Variants in ITGB2 observed in about 807,000 individuals in gnomAD.
ITGB2 encodes the protein integrin subunit beta 2.
ITGB2 carries 56 observed loss-of-function variants against 86.8 expected under a neutral mutation model. The observed-to-expected ratio is 0.65, with a 90% CI of 0.52 to 0.81. The LOEUF (loss-of-function observed/expected upper bound fraction) is 0.81, where lower values mean the gene tolerates loss of function less well. Among genes scored for constraint, ITGB2 ranks in the 30% least tolerant of loss-of-function variants. ITGB2 has a pLI of 0.00. For synonymous variants in ITGB2, 457 were observed against 450.4 expected, an observed-to-expected ratio of 1.01 and a Z score of -0.19; for missense variants, 948 against 1,061.2, an observed-to-expected ratio of 0.89 and a Z score of 1.48.
At chr21:44,916,587 G>C (rs78754053) in intron 1 of ITGB2, among the ~76,000 whole-genome samples, 37,840 of 152,046 alleles carry the variant, frequency 0.25, 5,248 homozygotes, top group South Asian at 0.36. Context: ...CTAAGGGGAG[G>C]CCGGGCATGG....
In ITGB2 at chr21:44,886,864, C is replaced by A. The variant is rs1338483196; in HGVS notation, c.2119G>T (p.Gly707Cys). 1.9e-6 allele frequency: 3 copies of A among 1,613,674 alleles called. No homozygotes were observed. In the Admixed American group the frequency reaches 5.0e-5, roughly 27 times the overall value. Reference sequence around the variant, plus strand: ...ATCAGCACGATGCCTGCCACGGTGCCCCCGACGATGGCGGCGATGTTGGGG... The same window carrying A: ...ATCAGCACGATGCCTGCCACGGTGCACCCGACGATGGCGGCGATGTTGGGG... ...AGPNIAAIVG[G>C]TVAGIVLIGI... The change falls in exon 15 of 16, where the codon GGC becomes TGC. Residue 707 changes from glycine to cysteine, a missense_variant. By Grantham distance (159) the Gly-to-Cys change is radical (BLOSUM62 -3). Transcript: ENST00000652462.
rs1257146435 is a variant in ITGB2 at position 44,910,276 on chromosome 21, G to C, written c.147+8C>G. The C allele has an allele frequency of 6.2e-7, 1 of 1,613,576 alleles. No homozygotes were observed. Among genetic ancestry groups the C allele is most frequent in the South Asian group, 1.1e-5 (1 of 90,992 alleles). On this transcript the variant is annotated splice_region_variant and intron_variant, in intron 3 of 15. Coordinates refer to ENST00000652462, the MANE Select transcript of ITGB2 (RefSeq NM_000211.5). ...GGGCAGGTGGGGAGGGGTCCAGGAG[G>C]CACTTACCAGCTTCTGGCACCAGGT... is the stretch of plus-strand genomic sequence containing the variant.
chr21:44,889,327 A>G lies in ITGB2; in HGVS notation c.1826T>C (p.Leu609Pro), dbSNP rs748429721. The change falls in exon 13 of 16, where the codon CTG becomes CCG. Residue 609 changes from leucine to proline, a missense_variant. Physicochemically the swap from Leu to Pro is moderately conservative, Grantham distance 98. Transcript: ENST00000652462. ...GCCGGGGCACTCCTGGCACAGAGGCAGCTGGTAGCCTGAATGGCACTCGCA... is the reference window on the plus strand; with the variant it reads ...GCCGGGGCACTCCTGGCACAGAGGCGGCTGGTAGCCTGAATGGCACTCGCA... ...NVCECHSGYQ[L>P]PLCQECPGCP... 2 of 1,612,876 alleles carry G rather than the reference A, an allele frequency of 1.2e-6. No individual in the cohort carries two copies. Among genetic ancestry groups the G allele is most frequent in the Non-Finnish European group, 8.5e-7 (1 of 1,179,854 alleles).
rs112661150 is a variant in ITGB2, at chr21:44,900,507, TG to T, written c.742-33del. The T allele has an allele frequency of 2.5e-6, 4 of 1,611,842 alleles. No homozygotes were observed. In the African/African-American group the frequency reaches 4.0e-5, roughly 16 times the overall value. Reference sequence around the variant, plus strand: ...AGAAGGCGTGGGGGGCAGGGTTACCTGCCTCAGTTTCCCAGACCCGGCCCTC... The same window carrying T: ...AGAAGGCGTGGGGGGCAGGGTTACCTCCTCAGTTTCCCAGACCCGGCCCTC... On this transcript the variant is annotated intron_variant, in intron 6 of 15. Coordinates refer to ENST00000652462, the MANE Select transcript of ITGB2 (RefSeq NM_000211.5).
At chr21:44,900,826 C>T (rs1413633470) in intron 6 of ITGB2, among the ~76,000 whole-genome samples, 1 of 152,234 alleles carries the variant, frequency 6.6e-6, no homozygotes, top group Admixed American at 6.5e-5. Context: ...ACACGCAGAA[C>T]GAGTGCAACA....
At chr21:44,888,376 C>T (rs1009054751) in intron 14 of ITGB2, among the ~76,000 whole-genome samples, 8 of 152,344 alleles carry the variant, frequency 5.3e-5, no homozygotes, top group Middle Eastern at 3.4e-3. Flanking sequence ...AGGCATCCAG[C>T]GGGAGATGGC....
Position 44,886,838 on chromosome 21 carries a change from G to A in ITGB2, c.2145C>T (p.Ile715=), listed in dbSNP as rs144590448. The stretch of plus-strand genomic sequence containing the variant: ...TCCAGATGACCAGCAGGAGAATGCC[G>A]ATCAGCACGATGCCTGCCACGGTGC... ...VGGTVAGIVL[I]GILLLVIWKA... is the part of the protein sequence containing the mutation. Residue 715 remains isoleucine, a synonymous_variant, in exon 15 of 16, where the codon ATC becomes ATT. Coordinates refer to ENST00000652462, the MANE Select transcript of ITGB2 (RefSeq NM_000211.5). The A allele has an allele frequency of 3.0e-4, 481 of 1,613,726 alleles. 3 individuals are homozygous for A. Among genetic ancestry groups the A allele is most frequent in the Non-Finnish European group, 3.6e-4 (430 of 1,180,000 alleles).
chr21:44,889,928 AAG>A (rs1465431411), intron 12 of ITGB2, 48 bp downstream of exon 12: 1 of 1,609,010 alleles, frequency 6.2e-7, no homozygotes, highest in Admixed American at 1.7e-5. Context: ...CCCCAACACC[AAG>A]TCTGTGCCGC....
intron 9 of ITGB2, 77 bp downstream of exon 9, chr21:44,894,894 T>C (rs2083841003): frequency 1.9e-6 from 2 of 1,025,712 alleles, no homozygotes; most frequent in Admixed American, 3.4e-5. Context: ...CCTGCTGACC[T>C]GCAGCAGGAG....
chr21:44,895,140 C>A (rs2083846286), intron 8 of ITGB2, 80 bp from the exon 9 acceptor site: 2 of 1,022,064 alleles, frequency 2.0e-6, no homozygotes, highest in East Asian at 4.7e-5. Context: ...ACCCCAGGGG[C>A]TTCTGCACCT....
At chr21:44,888,389 G>C (rs1022975388) in intron 14 of ITGB2, among the ~76,000 whole-genome samples, 2 of 152,252 alleles carry the variant, frequency 1.3e-5, no homozygotes, top group African/African-American at 4.8e-5. Context: ...GAGATGGCCC[G>C]GGCCGTGTGG....
chr21:44,920,765 G>C (rs2084292024), intron 1 of ITGB2, 56 bp downstream of exon 1: 1 of 152,470 alleles, frequency 6.6e-6, no homozygotes, highest in Non-Finnish European at 1.5e-5. Context: ...GCTGGGGCAG[G>C]AGAGTGCTTC....
rs376080820 is a variant in ITGB2 at position 44,891,781 on chromosome 21, G to T, written c.1412+28C>A. 6 of 1,599,302 alleles carry T rather than the reference G, an allele frequency of 3.8e-6. No homozygotes were observed. In the East Asian group the frequency reaches 1.3e-4, roughly 36 times the overall value. ...CCCTGTGGGGTGGGGCTCGGGGATG[G>T]TTCAACAGGGACCTGCGCCCGCCTC... On this transcript the variant is annotated intron_variant, in intron 11 of 15. Coordinates refer to ENST00000652462, the MANE Select transcript of ITGB2 (RefSeq NM_000211.5).
chr21:44,886,238 TTTGAGGGCGG>T lies in ITGB2; in HGVS notation c.*120_*129del. 1 of 942,466 alleles carries T rather than the reference TTTGAGGGCGG, an allele frequency of 1.1e-6. No homozygotes were observed. The highest frequency in any genetic ancestry group is 1.7e-6 in the Non-Finnish European group (1 of 579,734). 58.4% of individuals were successfully genotyped at this position (942,466 alleles called of 1,614,324 possible). A position where few individuals can be genotyped will look rare whatever the true frequency, so the allele number is the denominator to read the frequency against. On this transcript the variant is annotated 3_prime_UTR_variant, in exon 16 of 16. Coordinates refer to ENST00000652462, the MANE Select transcript of ITGB2 (RefSeq NM_000211.5). Reference sequence around the variant, plus strand: ...GCACCCGGCCGGCCATGGCTGTCATTTTGAGGGCGGAAAATAACTGGATTTCTGGTTAATT... The same window carrying T: ...GCACCCGGCCGGCCATGGCTGTCATTAAAATAACTGGATTTCTGGTTAATT...
At chr21:44,905,177 G>A (rs2084024359) in intron 4 of ITGB2, among the ~76,000 whole-genome samples, 1 of 152,128 alleles carries the variant, frequency 6.6e-6, no homozygotes. Flanking sequence ...CTCAGCGAAG[G>A]GCCAGCAGGC....
chr21:44,892,658 T>C (rs1403725348), intron 10 of ITGB2, among the ~76,000 whole-genome samples: 2 of 147,606 alleles, frequency 1.4e-5, no homozygotes, highest in Non-Finnish European at 3.0e-5. Context: ...AGAAACATGT[T>C]TGAAGGAATT....
At chr21:44,903,239 G>T (rs1035543564) in intron 5 of ITGB2, 126 bp downstream of exon 5, 1 of 1,085,688 alleles carries the variant, frequency 9.2e-7, no homozygotes, top group South Asian at 1.3e-5. Context: ...GCCCTGGGGG[G>T]ACCTGCATCT....
At chr21:44,893,623 G>A (rs904153740) in intron 9 of ITGB2, 79 bp from the exon 10 acceptor site, 36 of 1,564,710 alleles carry the variant, frequency 2.3e-5, no homozygotes, top group Admixed American at 1.5e-4. Context: ...GTTTAGACCC[G>A]TCTCCACTTC....
At position 44,899,265 on chromosome 21, in the gene ITGB2, G is replaced by A. The variant is rs550370931; in HGVS notation, c.898-103C>T. 5.3e-5 allele frequency: 46 copies of A among 874,660 alleles called. 1 individual carries two copies. The highest frequency in any genetic ancestry group is 5.2e-4 in the South Asian group (37 of 70,640). 54.2% of individuals were successfully genotyped at this position (874,660 alleles called of 1,614,324 possible). ...TCAGCGTCAGCCCTGCCCGTGCTTCGAACCCTCTCTGGGGAAGGCTGGAGA... is the reference window on the plus strand; with the variant it reads ...TCAGCGTCAGCCCTGCCCGTGCTTCAAACCCTCTCTGGGGAAGGCTGGAGA... On this transcript the variant is annotated intron_variant, in intron 7 of 15. Transcript: ENST00000652462.
Sources: gnomAD v4.1 joint callset for allele counts (sites outside exome capture counted in the v4.1 genomes callset) on GRCh38, gnomAD v4.1.1 for gene constraint, MANE v1.5 for transcripts, NCBI Gene and HGNC (gene_info 2026-07-23, HGNC 2026-07-21) for gene names.